The following NXPH1 variants were observed in gnomAD, a reference collection of about 807,000 sequenced individuals.
NXPH1 encodes neurexophilin 1.
In NXPH1, 5 loss-of-function variants were observed where a neutral mutation model predicts 23.7. That is an observed-to-expected ratio of 0.21 (90% CI 0.11 to 0.44). NXPH1 has a LOEUF of 0.44. Ranked by LOEUF, NXPH1 falls within the 20% of genes least tolerant of loss-of-function variation. NXPH1 has a pLI of 0.99. For missense variants in NXPH1, 324 were observed against 321.6 expected, an observed-to-expected ratio of 1.01 and a Z score of -0.06; for synonymous variants, 144 against 122.2, an observed-to-expected ratio of 1.18 and a Z score of -1.18.
chr7:8,502,509 C>T (rs932093535), intron 2 of NXPH1, among the ~76,000 whole-genome samples: 1 of 151,652 alleles, frequency 6.6e-6, no homozygotes, highest in African/African-American at 2.4e-5. Flanking sequence ...AACCAGAAGA[C>T]AGAAACCACA....
At chr7:8,614,715 A>G (rs1321865574) in intron 2 of NXPH1, among the ~76,000 whole-genome samples, 2 of 152,032 alleles carry the variant, frequency 1.3e-5, no homozygotes, top group Admixed American at 1.3e-4. Flanking sequence ...GTTGCCATAA[A>G]TATTTTAGAA....
intron 2 of NXPH1, among the ~76,000 whole-genome samples, chr7:8,632,296 A>G (rs1820148121): frequency 6.6e-6 from 1 of 152,192 alleles, no homozygotes; most frequent in Admixed American, 6.6e-5. Context: ...AAAACATCTC[A>G]TGGCTTTTCC....
chr7:8,543,685 C>A (rs553833246), intron 2 of NXPH1, among the ~76,000 whole-genome samples: 1 of 151,692 alleles, frequency 6.6e-6, no homozygotes, highest in East Asian at 2.0e-4. Context: ...TGCACAGTAT[C>A]TAATCCTTCT....
intron 2 of NXPH1, among the ~76,000 whole-genome samples, chr7:8,573,322 T>C: frequency 6.6e-6 from 1 of 152,116 alleles, no homozygotes; most frequent in East Asian, 1.9e-4. Flanking sequence ...TTAAATAAAT[T>C]TATATCTCTA....
At chr7:8,493,400 G>A (rs1365264711) in intron 2 of NXPH1, among the ~76,000 whole-genome samples, 1 of 151,992 alleles carries the variant, frequency 6.6e-6, no homozygotes, top group African/African-American at 2.4e-5. Context: ...TAAGTAATTG[G>A]TATATCAGAC....
At chr7:8,525,402 C>A (rs1817845166) in intron 2 of NXPH1, among the ~76,000 whole-genome samples, 1 of 152,156 alleles carries the variant, frequency 6.6e-6, no homozygotes. Flanking sequence ...TGCAGCCTGA[C>A]TATATGATAG....
chr7:8,549,464 G>A (rs888714161), intron 2 of NXPH1, among the ~76,000 whole-genome samples: 1 of 151,436 alleles, frequency 6.6e-6, no homozygotes, highest in African/African-American at 2.4e-5. Flanking sequence ...TGAAGCTTCT[G>A]TCAATAATAA....
chr7:8,657,447 G>T (rs188971829), intron 2 of NXPH1, among the ~76,000 whole-genome samples: 69 of 152,252 alleles, frequency 4.5e-4, no homozygotes, highest in Non-Finnish European at 6.6e-4. Flanking sequence ...CACAACAAGG[G>T]TCTGGACACT....
intron 2 of NXPH1, among the ~76,000 whole-genome samples, chr7:8,454,289 C>T (rs1022082039): frequency 6.6e-6 from 1 of 152,132 alleles, no homozygotes; most frequent in African/African-American, 2.4e-5. Context: ...AGTTAGTGGA[C>T]TGCCTTTGGA....
intron 2 of NXPH1, among the ~76,000 whole-genome samples, chr7:8,455,566 C>T (rs1448365446): frequency 6.6e-6 from 1 of 152,206 alleles, no homozygotes; most frequent in Non-Finnish European, 1.5e-5. Context: ...TGTACACCAT[C>T]TGCACAGCCT....
intron 2 of NXPH1, among the ~76,000 whole-genome samples, chr7:8,547,152 T>G (rs557546818): frequency 1.3e-5 from 2 of 151,562 alleles, no homozygotes; most frequent in African/African-American, 4.8e-5. Context: ...AATGCCCCCT[T>G]AGGTGAATGC....
rs368010668 is a variant in NXPH1 at position 8,751,676 on chromosome 7, C to T, written c.723C>T (p.Tyr241=). The change falls in exon 3 of 3, where the codon TAC becomes TAT. Residue 241 remains tyrosine (Y), a synonymous_variant. Transcript: ENST00000405863. The surrounding 1 kb of genome is among the most constrained non-coding windows in gnomAD (Gnocchi z 4.5). ...AGCCCTTTAAGGTGATCTGTATTTA[C>T]ATTTCCTTTTATAGTACAGATTATA... ...CSKPFKVICI[Y]ISFYSTDYKL... is the part of the protein sequence containing the mutation. 63 of 1,613,050 alleles carry T rather than the reference C, an allele frequency of 3.9e-5. 1 individual carries two copies. The highest frequency in any genetic ancestry group is 6.7e-5 in the Admixed American group (4 of 59,790).
intron 2 of NXPH1, among the ~76,000 whole-genome samples, chr7:8,649,207 G>T (rs773780035): frequency 9.1e-4 from 139 of 152,118 alleles, no homozygotes; most frequent in Admixed American, 1.7e-3. Flanking sequence ...TGGAGAGTGA[G>T]TTTAGTCCAT....
intron 2 of NXPH1, among the ~76,000 whole-genome samples, chr7:8,532,476 G>T (rs1332084507): frequency 7.1e-6 from 1 of 141,310 alleles, no homozygotes; most frequent in Admixed American, 7.0e-5. Context: ...TTTGGGGGGG[G>T]GGGAGGGGGC....
At chr7:8,631,186 A>T (rs1191477024) in intron 2 of NXPH1, among the ~76,000 whole-genome samples, 1 of 152,170 alleles carries the variant, frequency 6.6e-6, no homozygotes, top group Admixed American at 6.6e-5. Context: ...ATTGATGGGC[A>T]TTTAGGTTAA....
At chr7:8,537,670 C>T (rs116761754) in intron 2 of NXPH1, among the ~76,000 whole-genome samples, 1 of 151,890 alleles carries the variant, frequency 6.6e-6, no homozygotes, top group African/African-American at 2.4e-5. Context: ...AAGCACTAAA[C>T]TGGGAATTAT....
chr7:8,479,762 T>C (rs532017031), intron 2 of NXPH1, among the ~76,000 whole-genome samples: 1 of 152,230 alleles, frequency 6.6e-6, no homozygotes, highest in South Asian at 2.1e-4. Flanking sequence ...AACTCAGGAA[T>C]CAATTTTAAG....
intron 2 of NXPH1, among the ~76,000 whole-genome samples, chr7:8,469,719 A>G (rs537694631): frequency 6.6e-6 from 1 of 152,256 alleles, no homozygotes; most frequent in South Asian, 2.1e-4. Flanking sequence ...TGAGGGTAAA[A>G]TACACACTAT....
At chr7:8,541,367 A>G (rs966208962) in intron 2 of NXPH1, among the ~76,000 whole-genome samples, 5 of 151,720 alleles carry the variant, frequency 3.3e-5, no homozygotes, top group Non-Finnish European at 4.4e-5. Flanking sequence ...CCTAATATAT[A>G]TATAATTAAG....
Sources: gnomAD v4.1 joint callset for allele counts (sites outside exome capture counted in the v4.1 genomes callset) on GRCh38, gnomAD v4.1.1 for gene constraint, Gnocchi (gnomAD v3.1) non-coding constraint, MANE v1.5 for transcripts, NCBI Gene and HGNC (gene_info 2026-07-23, HGNC 2026-07-21) for gene names.